Variants in TRHDE observed in about 807,000 individuals in gnomAD.
TRHDE encodes thyrotropin-releasing hormone-degrading ectoenzyme.
TRHDE carries 72 observed loss-of-function variants against 125.7 expected under a neutral mutation model. The observed-to-expected ratio is 0.57, with a 90% CI of 0.47 to 0.70. The LOEUF (loss-of-function observed/expected upper bound fraction) is 0.70. Among genes scored for constraint, TRHDE ranks in the 30% least tolerant of loss-of-function variants. TRHDE has a pLI of 0.00. For missense variants in TRHDE, 1,110 were observed against 1,327.1 expected (o/e 0.84, Z 2.54); for synonymous variants, 509 against 509.1 (o/e 1.00, Z 0.00).
intron 2 of TRHDE, among the ~76,000 whole-genome samples, chr12:72,244,543 A>T (rs1749937240): frequency 7.0e-6 from 1 of 142,562 alleles, no homozygotes; most frequent in Admixed American, 7.0e-5. Flanking sequence ...TTTGCTAATT[A>T]TACTAATTTT....
At chr12:72,448,469 G>T (rs934485611) in intron 3 of TRHDE, among the ~76,000 whole-genome samples, 1 of 151,972 alleles carries the variant, frequency 6.6e-6, no homozygotes, top group Admixed American at 6.6e-5. Context: ...GTTTTATTTA[G>T]TATCAGTGTT....
intron 2 of TRHDE, among the ~76,000 whole-genome samples, chr12:72,372,130 C>G (rs1871626457): frequency 6.6e-6 from 1 of 152,162 alleles, no homozygotes; most frequent in East Asian, 1.9e-4. Flanking sequence ...ATTTGCATTT[C>G]TCTGATGGCC....
intron 2 of TRHDE, among the ~76,000 whole-genome samples, chr12:72,197,676 C>T (rs629435): frequency 6.6e-6 from 1 of 152,014 alleles, no homozygotes. Context: ...CTTTGAGTTC[C>T]TAGAAGACAC....
chr12:72,499,662 T>A, intron 6 of TRHDE, 27 bp downstream of exon 6: 2 of 1,608,604 alleles, frequency 1.2e-6, no homozygotes, highest in African/African-American at 2.7e-5. Flanking sequence ...AAGTGCCAAT[T>A]AGATATTTCA....
Position 72,273,580 on chromosome 12 carries a change from G to T in TRHDE, c.914+23G>T, listed in dbSNP as rs754005516. ...AAGGTATGGAGGGAGGCGGTGCCCC[G>T]CGCTGCCCCACCCCGGCGCGCGGCT... On this transcript the variant is annotated intron_variant, in intron 1 of 18. Transcript: ENST00000261180. The surrounding 1 kb of genome is among the most constrained non-coding windows in gnomAD (Gnocchi z 5.3). The T allele has an allele frequency of 1.3e-6, 2 of 1,559,698 alleles. No homozygotes were observed. The highest frequency in any genetic ancestry group is 2.3e-5 in the East Asian group (1 of 44,130).
At chr12:72,345,021 C>T (rs571747044) in intron 2 of TRHDE, among the ~76,000 whole-genome samples, 1 of 152,034 alleles carries the variant, frequency 6.6e-6, no homozygotes, top group Non-Finnish European at 1.5e-5. Context: ...ACATATGGCA[C>T]AGTGGTTGAT....
chr12:72,557,155 A>G (rs1444790868), intron 7 of TRHDE, among the ~76,000 whole-genome samples: 1 of 152,188 alleles, frequency 6.6e-6, no homozygotes, highest in Non-Finnish European at 1.5e-5. Context: ...ATGTTGACAG[A>G]TGACAAATGT....
chr12:72,315,979 A>C (rs919985124), intron 2 of TRHDE, among the ~76,000 whole-genome samples: 2 of 152,180 alleles, frequency 1.3e-5, no homozygotes, highest in Non-Finnish European at 2.9e-5. Context: ...TTTCAAACAG[A>C]AATGTGTTGT....
intron 2 of TRHDE, among the ~76,000 whole-genome samples, chr12:72,318,390 CAT>C (rs1225463941): frequency 1.3e-5 from 2 of 152,102 alleles, no homozygotes; most frequent in African/African-American, 2.4e-5. Flanking sequence ...AACAGTCACT[CAT>C]ATTAGCTGGG....
Position 72,647,130 on chromosome 12 carries a change from A to G in TRHDE, c.2676-5192A>G, listed in dbSNP as rs1243114669. Among the ~76,000 whole-genome samples the G allele has an allele frequency of 2.6e-5, 4 of 152,166 alleles. No homozygotes were observed. In the East Asian group the frequency reaches 7.7e-4, roughly 29 times the overall value. On this transcript the variant is annotated intron_variant, in intron 15 of 18. Coordinates refer to ENST00000261180, the MANE Select transcript of TRHDE (RefSeq NM_013381.3). ...TGAAATTATACCACATACTTTTCCT[A>G]AACAAAATGAAGTGAAACTACAAAT...
At chr12:72,280,161 T>C (rs1434953802) in intron 1 of TRHDE, among the ~76,000 whole-genome samples, 1 of 152,178 alleles carries the variant, frequency 6.6e-6, no homozygotes, top group African/African-American at 2.4e-5. Flanking sequence ...CTGCCACTTA[T>C]TAGCTTTAAG....
chr12:72,438,605 A>G (rs1874855987), intron 3 of TRHDE, among the ~76,000 whole-genome samples: 1 of 151,648 alleles, frequency 6.6e-6, no homozygotes, highest in African/African-American at 2.4e-5. Context: ...CTTTCATCAG[A>G]TTTTTTTGTG....
chr12:72,297,468 G>C (rs1317048863), intron 2 of TRHDE, among the ~76,000 whole-genome samples: 1 of 152,184 alleles, frequency 6.6e-6, no homozygotes, highest in East Asian at 1.9e-4. Flanking sequence ...TGAGCAGAAA[G>C]TAAAGTAACC....
intron 3 of TRHDE, among the ~76,000 whole-genome samples, chr12:72,464,957 A>G (rs1329017475): frequency 1.3e-5 from 2 of 152,196 alleles, no homozygotes; most frequent in East Asian, 1.9e-4. Context: ...TTTGTACTAT[A>G]CTATTTAATT....
At chr12:72,147,802 T>G (rs141503501) in intron 2 of TRHDE, 1 of 152,246 alleles carries the variant, frequency 6.6e-6, no homozygotes, top group Non-Finnish European at 1.5e-5. Flanking sequence ...GGTTGTATGA[T>G]GTAGTCTCCT....
In TRHDE at chr12:72,667,786, A is replaced by G. The variant is rs1383506894; in HGVS notation, c.*4591A>G. 1 of 151,772 alleles carries G rather than the reference A, an allele frequency of 6.6e-6. No individual in the cohort carries two copies. Among genetic ancestry groups the G allele is most frequent in the African/African-American group, 2.4e-5 (1 of 41,434 alleles). 9.4% of individuals were successfully genotyped at this position (151,772 alleles called of 1,614,324 possible). A position where few individuals can be genotyped will look rare whatever the true frequency, so the allele number is the denominator to read the frequency against. On this transcript the variant is annotated 3_prime_UTR_variant, in exon 19 of 19. Coordinates refer to ENST00000261180, the MANE Select transcript of TRHDE (RefSeq NM_013381.3). ...CATTTTGAAATTATAATAAAATAATAGAGTTTAAACTCTAATAATTGGAAT... is the reference window on the plus strand; with the variant it reads ...CATTTTGAAATTATAATAAAATAATGGAGTTTAAACTCTAATAATTGGAAT...
intron 3 of TRHDE, among the ~76,000 whole-genome samples, chr12:72,397,814 AAATT>A (rs1010110629): frequency 1.5e-4 from 23 of 152,234 alleles, no homozygotes; most frequent in East Asian, 3.9e-4. Flanking sequence ...GGCATTTTTT[AAATT>A]AATTAATTAA....
At chr12:72,549,410 T>C (rs1405816628) in intron 7 of TRHDE, among the ~76,000 whole-genome samples, 1 of 151,840 alleles carries the variant, frequency 6.6e-6, no homozygotes, top group African/African-American at 2.4e-5. Flanking sequence ...TTAATTTTCT[T>C]TCTGAAGAGA....
chr12:72,664,320 A>G lies in TRHDE; in HGVS notation c.*1125A>G, dbSNP rs1426428501. The G allele has an allele frequency of 6.6e-6, 1 of 152,534 alleles. No individual in the cohort carries two copies. Among genetic ancestry groups the G allele is most frequent in the African/African-American group, 2.4e-5 (1 of 41,426 alleles). 9.4% of individuals were successfully genotyped at this position (152,534 alleles called of 1,614,324 possible). ...CCAGAGAGTTAAAAAAATTCTCTGC[A>G]TGTTGGTCTTTTAAGTCTGTTTTGC... On this transcript the variant is annotated 3_prime_UTR_variant, in exon 19 of 19. Coordinates refer to ENST00000261180, the MANE Select transcript of TRHDE (RefSeq NM_013381.3).
Sources: allele counts gnomAD v4.1 joint callset (sites outside exome capture counted in the v4.1 genomes callset), GRCh38; gene constraint gnomAD v4.1.1; non-coding constraint Gnocchi (gnomAD v3.1); transcripts MANE v1.5; gene names NCBI Gene and HGNC (gene_info 2026-07-23, HGNC 2026-07-21).